CYB5B: variants seen among roughly 807,000 people sequenced by gnomAD.
CYB5B encodes cytochrome b5 type B (outer mitochondrial membrane).
A neutral mutation model predicts 21.3 loss-of-function variants in CYB5B; 14 were observed. The observed-to-expected ratio is 0.66, with a 90% CI of 0.43 to 1.03. CYB5B has a LOEUF of 1.03. Among genes scored for constraint, CYB5B ranks in the 50% least tolerant of loss-of-function variants. The pLI is 0.00. For synonymous variants in CYB5B, 69 were observed against 68.4 expected, an observed-to-expected ratio of 1.01 and a Z score of -0.04; for missense variants, 166 against 185.1, an observed-to-expected ratio of 0.90 and a Z score of 0.60.
intron 1 of CYB5B, among the ~76,000 whole-genome samples, chr16:69,426,411 A>AG (rs2014647200): frequency 7.0e-6 from 1 of 142,614 alleles, no homozygotes. Context: ...AAAAAAAAAA[A>AG]AAAGTACTTT....
chr16:69,434,867 A>AG, intron 1 of CYB5B, among the ~76,000 whole-genome samples: 2 of 151,840 alleles, frequency 1.3e-5, no homozygotes, highest in South Asian at 4.2e-4. Context: ...CATCTCAAAA[A>AG]AAAAAAAAAA....
chr16:69,438,729 A>G (rs190447984), intron 1 of CYB5B, among the ~76,000 whole-genome samples: 2 of 152,266 alleles, frequency 1.3e-5, no homozygotes, highest in East Asian at 3.9e-4. Flanking sequence ...AGAAATGTCT[A>G]CTAGAGTTCT....
At chr16:69,435,762 C>T (rs751484371) in intron 1 of CYB5B, among the ~76,000 whole-genome samples, 2 of 152,058 alleles carry the variant, frequency 1.3e-5, no homozygotes, top group Non-Finnish European at 1.5e-5. Flanking sequence ...CTCAGCCTCC[C>T]GAGTACCTGG....
chr16:69,458,283 G>C (rs1191286393), intron 3 of CYB5B, among the ~76,000 whole-genome samples: 6 of 152,178 alleles, frequency 3.9e-5, no homozygotes, highest in African/African-American at 1.4e-4. Context: ...ATTAGCAGTC[G>C]TTTTCCATTT....
intron 1 of CYB5B, among the ~76,000 whole-genome samples, chr16:69,425,107 G>A (rs545387524): frequency 1.3e-5 from 2 of 152,292 alleles, no homozygotes; most frequent in South Asian, 4.1e-4. Flanking sequence ...CATTTGCTGT[G>A]TGCTCAGCTA....
chr16:69,436,573 C>A (rs1270177264), intron 1 of CYB5B, among the ~76,000 whole-genome samples: 1 of 152,214 alleles, frequency 6.6e-6, no homozygotes, highest in East Asian at 1.9e-4. Context: ...CTCTGCCCTG[C>A]AGACTGTTTT....
At chr16:69,460,372 A>G (rs572096723) in intron 4 of CYB5B, among the ~76,000 whole-genome samples, 3 of 152,260 alleles carry the variant, frequency 2.0e-5, no homozygotes, top group Non-Finnish European at 4.4e-5. Context: ...AGAATATGAG[A>G]AAAAGATTTA....
intron 1 of CYB5B, among the ~76,000 whole-genome samples, chr16:69,425,302 T>C (rs1471548212): frequency 1.3e-5 from 2 of 151,998 alleles, no homozygotes; most frequent in African/African-American, 4.8e-5. Flanking sequence ...TCTTCTAGAG[T>C]AGAAGCTGAG....
At position 69,459,102 on chromosome 16, in the gene CYB5B, A is replaced by G. The variant is rs2015008901; in HGVS notation, c.343A>G (p.Lys115Glu). Residue 115 changes from lysine to glutamate, a missense_variant, in exon 4 of 5, where the codon AAA becomes GAA. Coordinates refer to ENST00000307892, the MANE Select transcript of CYB5B (RefSeq NM_030579.3). ...TTTTTTTTTATTTCAGGACCCTTCA[A>G]AAAATGATACATGCAAAAGGTTAGT... The part of the protein sequence containing the change: ...KPESGSKDPS[K>E]NDTCKSCWAY... 1 of 1,604,976 alleles carries G rather than the reference A, an allele frequency of 6.2e-7. No individual in the cohort carries two copies.
intron 3 of CYB5B, among the ~76,000 whole-genome samples, chr16:69,456,969 A>G (rs964499038): frequency 5.9e-5 from 9 of 152,182 alleles, no homozygotes; most frequent in Non-Finnish European, 1.3e-4. Flanking sequence ...GTTTGCATCT[A>G]CTTGGCTATC....
chr16:69,459,040 ATCT>A (rs2142827904), intron 3 of CYB5B, 50 bp from the exon 4 acceptor site: 1 of 1,521,406 alleles, frequency 6.6e-7, no homozygotes, highest in Non-Finnish European at 8.9e-7. Flanking sequence ...TGCTATGTTA[ATCT>A]TCTTTCTTTT....
intron 1 of CYB5B, among the ~76,000 whole-genome samples, chr16:69,429,293 G>C (rs1371770018): frequency 6.6e-6 from 1 of 152,224 alleles, no homozygotes; most frequent in African/African-American, 2.4e-5. Context: ...AAAGGGACCA[G>C]AGCAGGTTGA....
At chr16:69,447,409 A>C in intron 2 of CYB5B, 131 bp downstream of exon 2, 1 of 1,213,414 alleles carries the variant, frequency 8.2e-7, no homozygotes, top group Non-Finnish European at 1.1e-6. Context: ...TGGGATGCCA[A>C]GGCAGGCGGA....
chr16:69,462,411 T>C lies in CYB5B; in HGVS notation c.363-19T>C. ...CTTAAAATATTAACAACTTTATTGC[T>C]TTCTCCCCCTATTCCTAGTTGCTGG... On this transcript the variant is annotated intron_variant, in intron 4 of 4. Coordinates refer to ENST00000307892, the MANE Select transcript of CYB5B (RefSeq NM_030579.3). 6.3e-7 allele frequency: 1 copy of C among 1,583,716 alleles called. No homozygotes were observed. The highest frequency in any genetic ancestry group is 8.7e-7 in the Non-Finnish European group (1 of 1,152,366).
chr16:69,460,538 A>G (rs1431247025), intron 4 of CYB5B, among the ~76,000 whole-genome samples: 1 of 152,172 alleles, frequency 6.6e-6, no homozygotes, highest in Non-Finnish European at 1.5e-5. Context: ...GTTGGTTGGA[A>G]AGTTTATCAC....
intron 1 of CYB5B, among the ~76,000 whole-genome samples, chr16:69,426,409 A>G (rs1239534209): frequency 7.0e-6 from 1 of 143,344 alleles, no homozygotes; most frequent in Non-Finnish European, 1.5e-5. Flanking sequence ...AAAAAAAAAA[A>G]AAAAAGTACT....
intron 4 of CYB5B, among the ~76,000 whole-genome samples, chr16:69,460,581 G>C (rs1032900303): frequency 6.6e-6 from 1 of 152,124 alleles, no homozygotes; most frequent in Non-Finnish European, 1.5e-5. Context: ...TAATGTAAAT[G>C]AGTATAATCA....
intron 3 of CYB5B, among the ~76,000 whole-genome samples, chr16:69,456,055 C>A (rs1291959302): frequency 6.6e-6 from 1 of 152,120 alleles, no homozygotes; most frequent in Non-Finnish European, 1.5e-5. Context: ...TAATTTTGAG[C>A]AGCTTTATAA....
chr16:69,434,029 C>T lies in CYB5B; in HGVS notation c.174+9172C>T, dbSNP rs1384681081. Among the ~76,000 whole-genome samples the T allele has an allele frequency of 2.0e-5, 3 of 152,270 alleles. No homozygotes were observed. In the East Asian group the frequency reaches 5.8e-4, roughly 29 times the overall value. ...TGGTATTATAATCTTATGGGACCACCATCATATATATGGTCCATTGTTGAC... is the reference window on the plus strand; with the variant it reads ...TGGTATTATAATCTTATGGGACCACTATCATATATATGGTCCATTGTTGAC... On this transcript the variant is annotated intron_variant, in intron 1 of 4. Coordinates refer to ENST00000307892, the MANE Select transcript of CYB5B (RefSeq NM_030579.3).
Sources: gnomAD v4.1 joint callset for allele counts (sites outside exome capture counted in the v4.1 genomes callset) on GRCh38, gnomAD v4.1.1 for gene constraint, MANE v1.5 for transcripts, NCBI Gene and HGNC (gene_info 2026-07-23, HGNC 2026-07-21) for gene names.